The following RGS6 variants were observed in gnomAD, a reference collection of about 807,000 sequenced individuals.
The protein encoded by RGS6 is regulator of G protein signaling 6.
In RGS6, 30 loss-of-function variants were observed where a neutral mutation model predicts 78.5. The observed-to-expected ratio is 0.38, with a 90% CI of 0.29 to 0.52. The LOEUF is 0.52. Ranked by LOEUF, RGS6 falls within the 20% of genes least tolerant of loss-of-function variation. The probability of loss-of-function intolerance (pLI) is 0.85; values close to 1 mark genes in which losing one functional copy is unlikely to be tolerated. For synonymous variants in RGS6, 206 were observed against 206.0 expected, an observed-to-expected ratio of 1.00 and a Z score of 0.00; for missense variants, 495 against 609.7, an observed-to-expected ratio of 0.81 and a Z score of 1.98.
intron 2 of RGS6, among the ~76,000 whole-genome samples, chr14:72,286,693 TGCCTCA>T: frequency 6.6e-6 from 1 of 152,198 alleles, no homozygotes; most frequent in Non-Finnish European, 1.5e-5. Flanking sequence ...TCATTGATGT[TGCCTCA>T]GTTTCAGTGA....
intron 3 of RGS6, among the ~76,000 whole-genome samples, chr14:72,369,397 A>G (rs773422342): frequency 6.6e-6 from 1 of 152,224 alleles, no homozygotes; most frequent in Non-Finnish European, 1.5e-5. Context: ...GGTGAAACCA[A>G]CTGTGGACTT....
rs186044680 is a variant in RGS6, at chr14:72,241,981, G to A, written c.85-110114G>A. Among the ~76,000 whole-genome samples, 11 of 152,292 alleles carry A rather than the reference G, an allele frequency of 7.2e-5. No individual in the cohort carries two copies. The East Asian group carries it at 2.1e-3, about 29-fold the overall frequency. On this transcript the variant is annotated intron_variant, in intron 2 of 17. Coordinates refer to ENST00000553525, the MANE Select transcript of RGS6 (RefSeq NM_001204424.2). ...TTCGGAAACTTGAATGAGATATGCT[G>A]GAACATCAAATAGTGACCTATTTTA... is the stretch of plus-strand genomic sequence containing the variant.
At chr14:72,583,440 C>A in the RGS6 span, among the ~76,000 whole-genome samples, 1 of 152,218 alleles carries the variant, frequency 6.6e-6, no homozygotes, top group African/African-American at 2.4e-5. Flanking sequence ...GACTAGCACA[C>A]ATAAGAACAT....
At position 72,286,751 on chromosome 14, in the gene RGS6, TA is replaced by T. The variant is rs201469973; in HGVS notation, c.85-65343del. 7.9e-5 allele frequency among the ~76,000 whole-genome samples: 12 copies of T among 152,328 alleles called. No individual in the cohort carries two copies. In the East Asian group the frequency reaches 2.1e-3, roughly 27 times the overall value. ...TTGGTTAAGTTTATCCTAGGTATTTTATTCTTTTTGCTGCTATTGGAAATAG... is the reference window on the plus strand; with the variant it reads ...TTGGTTAAGTTTATCCTAGGTATTTTTTCTTTTTGCTGCTATTGGAAATAG... On this transcript the variant is annotated intron_variant, in intron 2 of 17. Coordinates refer to ENST00000553525, the MANE Select transcript of RGS6 (RefSeq NM_001204424.2).
chr14:72,095,083 T>C (rs1567193450), intron 2 of RGS6, among the ~76,000 whole-genome samples: 1 of 152,112 alleles, frequency 6.6e-6, no homozygotes, highest in Non-Finnish European at 1.5e-5. Flanking sequence ...ATGTGTCAGC[T>C]ATCTAAATGA....
intron 2 of RGS6, among the ~76,000 whole-genome samples, chr14:71,984,320 A>ACC (rs869150272): frequency 2.9e-5 from 3 of 103,180 alleles, no homozygotes; most frequent in African/African-American, 3.6e-5. Context: ...AAAAAAAAAA[A>ACC]AACAAAGCTG....
chr14:72,356,465 A>G (rs1072166), intron 3 of RGS6, among the ~76,000 whole-genome samples: 75,400 of 151,992 alleles, frequency 0.5, 20,087 homozygotes, highest in African/African-American at 0.7. Flanking sequence ...GTCTCAGATC[A>G]TTCTTTATAA....
chr14:72,058,691 G>C (rs995690869), intron 2 of RGS6, among the ~76,000 whole-genome samples: 1 of 152,116 alleles, frequency 6.6e-6, no homozygotes, highest in African/African-American at 2.4e-5. Flanking sequence ...CCCAGTCATG[G>C]CTGGAGGCAC....
chr14:72,264,722 C>T (rs1303337777), intron 2 of RGS6, among the ~76,000 whole-genome samples: 1 of 152,152 alleles, frequency 6.6e-6, no homozygotes, highest in African/African-American at 2.4e-5. Context: ...TCATGGAGTT[C>T]AAGAGAATTT....
chr14:72,097,302 C>T (rs189367327), intron 2 of RGS6, among the ~76,000 whole-genome samples: 2 of 152,186 alleles, frequency 1.3e-5, no homozygotes, highest in Middle Eastern at 3.2e-3. Context: ...AGTGGCTGAG[C>T]AGAGAATGCT....
At chr14:72,346,293 T>C (rs1225758580) in intron 2 of RGS6, among the ~76,000 whole-genome samples, 2 of 152,094 alleles carry the variant, frequency 1.3e-5, no homozygotes, top group Non-Finnish European at 2.9e-5. Context: ...ATCATGAATT[T>C]ATAGAAAAAA....
chr14:72,218,948 A>T (rs567962053), intron 2 of RGS6, among the ~76,000 whole-genome samples: 69 of 151,876 alleles, frequency 4.5e-4, no homozygotes, highest in African/African-American at 1.6e-3. Context: ...CTAGCATTGA[A>T]CTCATGGCCA....
At chr14:72,552,809 G>C (rs1414078383) in intron 17 of RGS6, 1 of 152,202 alleles carries the variant, frequency 6.6e-6, no homozygotes, top group Non-Finnish European at 1.5e-5. Context: ...AACAGAAGTG[G>C]AGAAGTTGTT....
At chr14:72,197,230 T>C (rs1008075678) in intron 2 of RGS6, among the ~76,000 whole-genome samples, 4 of 152,100 alleles carry the variant, frequency 2.6e-5, no homozygotes, top group Admixed American at 6.5e-5. Flanking sequence ...CATGCCTGGC[T>C]GATTTTTGTA....
intron 1 of RGS6, among the ~76,000 whole-genome samples, chr14:71,946,522 CA>C: frequency 6.6e-6 from 1 of 152,160 alleles, no homozygotes; most frequent in East Asian, 1.9e-4. Context: ...CTCCTGTGTT[CA>C]AGAAACTTAA....
chr14:72,038,965 A>G (rs1351574543), intron 2 of RGS6, among the ~76,000 whole-genome samples: 1 of 152,188 alleles, frequency 6.6e-6, no homozygotes, highest in Non-Finnish European at 1.5e-5. Flanking sequence ...GAATGGAGAT[A>G]GAAGTTTGCC....
chr14:72,309,407 C>T (rs1385087869), intron 2 of RGS6, among the ~76,000 whole-genome samples: 1 of 152,190 alleles, frequency 6.6e-6, no homozygotes, highest in African/African-American at 2.4e-5. Flanking sequence ...CTTAAATGTC[C>T]ATTTAATGCA....
chr14:72,436,515 A>T (rs924004857), intron 3 of RGS6, among the ~76,000 whole-genome samples: 1 of 152,128 alleles, frequency 6.6e-6, no homozygotes, highest in African/African-American at 2.4e-5. Flanking sequence ...CCTCAATATT[A>T]ATCTGGGCTG....
In RGS6 at chr14:71,976,141, T is replaced by A. The variant is rs1265482661; in HGVS notation, c.84+11266T>A. On this transcript the variant is annotated intron_variant, in intron 2 of 17. Coordinates refer to ENST00000553525, the MANE Select transcript of RGS6 (RefSeq NM_001204424.2). ...AATTCCTAAACTTATTAATCATAAT[T>A]GTTTCAAAGTCCATATCTGATACTT... Among the ~76,000 whole-genome samples, 3 of 151,938 alleles carry A rather than the reference T, an allele frequency of 2.0e-5. No homozygotes were observed. In the East Asian group the frequency reaches 5.8e-4, roughly 29 times the overall value.
Sources: gnomAD v4.1 joint callset for allele counts (sites outside exome capture counted in the v4.1 genomes callset) on GRCh38, gnomAD v4.1.1 for gene constraint, MANE v1.5 for transcripts, NCBI Gene and HGNC (gene_info 2026-07-23, HGNC 2026-07-21) for gene names.